USP15: variants seen among roughly 807,000 people sequenced by gnomAD.
USP15 encodes ubiquitin specific peptidase 15.
USP15 carries 18 observed loss-of-function variants against 127.1 expected under a neutral mutation model. That is an observed-to-expected ratio of 0.14 (90% CI 0.10 to 0.21). The LOEUF (loss-of-function observed/expected upper bound fraction) is 0.21. Among genes scored for constraint, USP15 ranks in the 10% least tolerant of loss-of-function variants. The pLI, the probability that USP15 is intolerant of heterozygous loss-of-function variation, is 1.00. For synonymous variants in USP15, 364 were observed against 393.7 expected, an observed-to-expected ratio of 0.92 and a Z score of 0.89; for missense variants, 805 against 1,159.9, an observed-to-expected ratio of 0.69 and a Z score of 4.44.
chr12:62,276,493 T>A (rs904202898), intron 1 of USP15, among the ~76,000 whole-genome samples: 5 of 152,116 alleles, frequency 3.3e-5, no homozygotes, highest in African/African-American at 1.2e-4. Flanking sequence ...TTGCTTATAT[T>A]ATCTTCCAAG....
chr12:62,355,703 A>G (rs960398108), intron 8 of USP15, among the ~76,000 whole-genome samples: 3 of 151,814 alleles, frequency 2.0e-5, no homozygotes, highest in South Asian at 4.1e-4. Context: ...AAGATTATAT[A>G]TCACTTTGCA....
chr12:62,340,722 G>A (rs555686356), intron 6 of USP15, among the ~76,000 whole-genome samples: 6 of 152,266 alleles, frequency 3.9e-5, no homozygotes, highest in Admixed American at 3.3e-4. Flanking sequence ...GTTCTTACTT[G>A]ATTGCACTGT....
intron 2 of USP15, among the ~76,000 whole-genome samples, chr12:62,296,798 G>A (rs962551376): frequency 2.0e-5 from 3 of 152,186 alleles, no homozygotes; most frequent in Non-Finnish European, 4.4e-5. Context: ...TCTTAGCTTA[G>A]TCTCAAGAGA....
At position 62,390,915 on chromosome 12, in the gene USP15, C is replaced by G. The variant is rs1265014739; in HGVS notation, c.1896C>G (p.His632Gln). ...CTGAAGAAACTGAAGGATCCCTACA[C>G]TGCTGTAAGGACCAAAATATTAATG... Reference protein sequence around the residue: ...TETEETEGSLHCCKDQNINGN... With the variant: ...TETEETEGSLQCCKDQNINGN... The change falls in exon 15 of 22, where the codon CAC (histidine) becomes CAG (glutamine). Residue 632 changes from histidine to glutamine, a missense_variant. Physicochemically the swap from His to Gln is conservative, Grantham distance 24. Transcript: ENST00000280377. The G allele has an allele frequency of 4.3e-6, 7 of 1,612,810 alleles. No individual in the cohort carries two copies. The highest frequency in any genetic ancestry group is 1.3e-5 in the African/African-American group (1 of 74,862).
At chr12:62,279,496 A>G (rs1338513126) in intron 1 of USP15, among the ~76,000 whole-genome samples, 1 of 152,202 alleles carries the variant, frequency 6.6e-6, no homozygotes, top group Non-Finnish European at 1.5e-5. Context: ...TGTACCCAAA[A>G]GTAGGATTGC....
rs114590090 is a variant in USP15 at position 62,291,907 on chromosome 12, G to A, written c.90-2272G>A. Among the ~76,000 whole-genome samples the A allele has an allele frequency of 2.8e-3, 427 of 152,286 alleles. 5 individuals are homozygous for A. The highest frequency in any genetic ancestry group is 1.0e-2 in the African/African-American group (415 of 41,552). On this transcript the variant is annotated intron_variant, in intron 1 of 21. Coordinates refer to ENST00000280377, the MANE Select transcript of USP15 (RefSeq NM_001252078.2). ...AGTGTATCTTGTTCCCAAATTGTGT[G>A]CATTTATGTTACCAGATTGGGTTGT...
At chr12:62,348,357 T>C (rs1014541712) in intron 6 of USP15, among the ~76,000 whole-genome samples, 7 of 152,246 alleles carry the variant, frequency 4.6e-5, no homozygotes, top group Non-Finnish European at 1.0e-4. Context: ...TAGATTATGC[T>C]TTTCTGCCTG....
At position 62,416,196 on chromosome 12, in the gene USP15, C is replaced by T. The variant is rs1357927698; in HGVS notation, c.*11821C>T. ...TACCTGGCGAACTCCTACACTCCTT[C>T]AAGACTTGCTCCAAAATGCACTTGC... On this transcript the variant is annotated 3_prime_UTR_variant, in exon 22 of 22. Transcript: ENST00000280377. 1 of 152,248 alleles carries T rather than the reference C, an allele frequency of 6.6e-6. No individual in the cohort carries two copies. The highest frequency in any genetic ancestry group is 1.5e-5 in the Non-Finnish European group (1 of 68,060). 9.4% of individuals were successfully genotyped at this position (152,248 alleles called of 1,614,324 possible).
At position 62,398,065 on chromosome 12, in the gene USP15, C is replaced by A. The variant is rs752548182; in HGVS notation, c.2674+1667C>A. ...GGAGTGCAGTCGCATGATATTGGCTCACTGCAACCTCCACCTCCTGGGTTC... is the reference window on the plus strand; with the variant it reads ...GGAGTGCAGTCGCATGATATTGGCTAACTGCAACCTCCACCTCCTGGGTTC... On this transcript the variant is annotated intron_variant, in intron 20 of 21. Transcript: ENST00000280377. Among the ~76,000 whole-genome samples, 53 of 151,410 alleles carry A rather than the reference C, an allele frequency of 3.5e-4. 1 individual carries two copies. Among genetic ancestry groups the A allele is most frequent in the Non-Finnish European group, 4.3e-4 (29 of 67,888 alleles).
At chr12:62,314,975 ATCT>A (rs2064790169) in intron 4 of USP15, 59 bp downstream of exon 4, 3 of 1,407,510 alleles carry the variant, frequency 2.1e-6, no homozygotes, top group Non-Finnish European at 2.8e-6. Flanking sequence ...AATTAGAATT[ATCT>A]TTGTATATGC....
chr12:62,306,455 T>C (rs1294991406), intron 3 of USP15, among the ~76,000 whole-genome samples: 1 of 152,104 alleles, frequency 6.6e-6, no homozygotes, highest in Non-Finnish European at 1.5e-5. Context: ...CAGTGAGAAC[T>C]TGAAGTGAGG....
intron 11 of USP15, among the ~76,000 whole-genome samples, chr12:62,388,541 T>C (rs897332894): frequency 6.6e-6 from 1 of 152,206 alleles, no homozygotes; most frequent in African/African-American, 2.4e-5. Context: ...TTGGGCACTG[T>C]GGATTTGTAG....
At position 62,314,133 on chromosome 12, in the gene USP15, G is replaced by C. The variant is rs1005622170; in HGVS notation, c.349-657G>C. ...CATGCTTAACAGCTTTCTTTTAATT[G>C]CTGCATAGAATTACTAAGTGTGTAG... is the stretch of plus-strand genomic sequence containing the variant. On this transcript the variant is annotated intron_variant, in intron 3 of 21. Coordinates refer to ENST00000280377, the MANE Select transcript of USP15 (RefSeq NM_001252078.2). The C allele has an allele frequency of 9.9e-6, 5 of 506,108 alleles. No homozygotes were observed. The South Asian group carries it at 4.3e-4, about 44-fold the overall frequency. The allele number at this position is 506,108 out of a possible 1,614,324, so 31.4% of individuals were successfully genotyped here.
In USP15 at chr12:62,390,890, C is replaced by G; in HGVS notation, c.1871C>G (p.Thr624Ser). ...CGATATGTCAAAATATCTACTGAAA[C>G]TGAAGAAACTGAAGGATCCCTACAC... ...MCRYVKISTE[T>S]EETEGSLHCC... Residue 624 changes from threonine (T) to serine (S), a missense_variant, in exon 15 of 22, where the codon ACT (threonine) becomes AGT (serine). Physicochemically the swap from Thr to Ser is moderately conservative, Grantham distance 58. Around this residue, in one of 11 missense-constraint regions of USP15, gnomAD observed 225 missense variants for 239.5 expected, o/e 0.94. Transcript: ENST00000280377. 1 of 1,611,374 alleles carries G rather than the reference C, an allele frequency of 6.2e-7. No individual in the cohort carries two copies. Among genetic ancestry groups the G allele is most frequent in the Non-Finnish European group, 8.5e-7 (1 of 1,178,492 alleles).
chr12:62,375,092 A>G (rs888932114), intron 8 of USP15, among the ~76,000 whole-genome samples: 10 of 152,092 alleles, frequency 6.6e-5, no homozygotes, highest in Admixed American at 3.9e-4. Context: ...TGGATGAGAC[A>G]TTTGATTATT....
intron 8 of USP15, among the ~76,000 whole-genome samples, chr12:62,366,777 C>T (rs1470127178): frequency 2.6e-5 from 4 of 152,072 alleles, no homozygotes; most frequent in Non-Finnish European, 4.4e-5. Context: ...TGAATTTTGT[C>T]GAAGGCCTTT....
At chr12:62,300,736 G>T (rs2064289052) in intron 2 of USP15, among the ~76,000 whole-genome samples, 1 of 152,084 alleles carries the variant, frequency 6.6e-6, no homozygotes, top group African/African-American at 2.4e-5. Flanking sequence ...TGCATACATG[G>T]CACTGTATAC....
chr12:62,283,212 C>T lies in USP15; in HGVS notation c.90-10967C>T, dbSNP rs2063699764. Among the ~76,000 whole-genome samples the T allele has an allele frequency of 2.6e-5, 4 of 152,250 alleles. No homozygotes were observed. The South Asian group carries it at 8.3e-4, about 32-fold the overall frequency. On this transcript the variant is annotated intron_variant, in intron 1 of 21. Transcript: ENST00000280377. ...GATAGTAGAAGAGTAAAAGCTATTC[C>T]AGGTTTGTTCAGAAGAGTACAGGAG...
chr12:62,343,643 G>A (rs1416298748), intron 6 of USP15, among the ~76,000 whole-genome samples: 4 of 152,138 alleles, frequency 2.6e-5, no homozygotes, highest in Non-Finnish European at 5.9e-5. Flanking sequence ...CCCTTGGCTG[G>A]AGGAGGGAGG....
Sources: gnomAD v4.1 joint callset for allele counts (sites outside exome capture counted in the v4.1 genomes callset) on GRCh38, gnomAD v4.1.1 for gene constraint, gnomAD v4.1.1 regional missense constraint, MANE v1.5 for transcripts, NCBI Gene and HGNC (gene_info 2026-07-23, HGNC 2026-07-21) for gene names.